Variants in FARP1 observed in about 807,000 individuals in gnomAD.
FARP1 encodes FERM, ARHGEF and pleckstrin domain-containing protein 1.
In FARP1, 52 loss-of-function variants were observed where a neutral mutation model predicts 128.8. The ratio of observed to expected loss-of-function variants is 0.40; its 90% CI spans 0.32 to 0.51. The LOEUF (loss-of-function observed/expected upper bound fraction) is 0.51, where lower values mean the gene tolerates loss of function less well. Ranked by LOEUF, FARP1 falls within the 20% of genes least tolerant of loss-of-function variation. The pLI, the probability that FARP1 is intolerant of heterozygous loss-of-function variation, is 0.45. For missense variants in FARP1, 1,333 were observed against 1,367.9 expected, an observed-to-expected ratio of 0.97 and a Z score of 0.40; for synonymous variants, 580 against 551.8, an observed-to-expected ratio of 1.05 and a Z score of -0.72.
chr13:98,186,152 G>A (rs995049179), intron 1 of FARP1, among the ~76,000 whole-genome samples: 12 of 151,968 alleles, frequency 7.9e-5, no homozygotes, highest in Non-Finnish European at 1.5e-5. Context: ...GCCCAGGCTG[G>A]CTGGAGTGCA....
intron 2 of FARP1, among the ~76,000 whole-genome samples, chr13:98,217,899 G>A (rs1056175645): frequency 2.0e-5 from 3 of 152,170 alleles, no homozygotes; most frequent in African/African-American, 7.2e-5. Flanking sequence ...ACGAGAGTTG[G>A]TGCTGTCCTA....
chr13:98,146,797 C>T (rs927283362), intron 1 of FARP1, among the ~76,000 whole-genome samples: 1 of 152,154 alleles, frequency 6.6e-6, no homozygotes, highest in African/African-American at 2.4e-5. Flanking sequence ...CAGTCTCTCT[C>T]CTGTTGTTTG....
chr13:98,191,380 G>A (rs1879218772), intron 1 of FARP1, among the ~76,000 whole-genome samples: 1 of 152,142 alleles, frequency 6.6e-6, no homozygotes, highest in Non-Finnish European at 1.5e-5. Context: ...TGTTCATAGT[G>A]TTGTTAAGCT....
intron 2 of FARP1, among the ~76,000 whole-genome samples, chr13:98,214,352 G>A (rs1408888988): frequency 1.3e-5 from 2 of 152,072 alleles, no homozygotes; most frequent in African/African-American, 2.4e-5. Flanking sequence ...CTCGGATCTA[G>A]TATTTTGGGT....
At chr13:98,446,576 C>T in intron 25 of FARP1, 90 bp from the exon 26 acceptor site, 1 of 1,413,992 alleles carries the variant, frequency 7.1e-7, no homozygotes, top group South Asian at 1.2e-5. Flanking sequence ...TGCCTGGGCT[C>T]CCAAGTCCCT....
chr13:98,409,909 C>T (rs1891124664), intron 14 of FARP1, among the ~76,000 whole-genome samples: 1 of 152,202 alleles, frequency 6.6e-6, no homozygotes, highest in Non-Finnish European at 1.5e-5. Flanking sequence ...CATGGATCAT[C>T]CATATGTAGC....
rs758854319 is a variant in FARP1 at position 98,448,321 on chromosome 13, C to G, written c.*4C>G. 1.4e-5 allele frequency: 23 copies of G among 1,607,840 alleles called. No homozygotes were observed. The highest frequency in any genetic ancestry group is 3.3e-5 in the Admixed American group (2 of 60,002). Reference sequence around the variant, plus strand: ...CAAAGAGTCTCTTGTGTATTGATGGCCGGACACACTCGTTTCCGCAGTGGC... The same window carrying G: ...CAAAGAGTCTCTTGTGTATTGATGGGCGGACACACTCGTTTCCGCAGTGGC... On this transcript the variant is annotated 3_prime_UTR_variant, in exon 27 of 27. Coordinates refer to ENST00000319562, the MANE Select transcript of FARP1 (RefSeq NM_005766.4).
At chr13:98,180,114 G>A (rs1352695063) in intron 1 of FARP1, among the ~76,000 whole-genome samples, 4 of 152,092 alleles carry the variant, frequency 2.6e-5, no homozygotes, top group South Asian at 4.2e-4. Context: ...CCTGAGGCTA[G>A]GTAATTTATA....
intron 1 of FARP1, among the ~76,000 whole-genome samples, chr13:98,194,417 C>T (rs971282663): frequency 3.3e-5 from 5 of 152,156 alleles, no homozygotes; most frequent in Non-Finnish European, 1.5e-5. Flanking sequence ...GTACCTGGCT[C>T]CTATTTTTTA....
At chr13:98,448,097 TC>T (rs1400784350) in intron 26 of FARP1, 138 bp from the exon 27 acceptor site, 1 of 709,490 alleles carries the variant, frequency 1.4e-6, no homozygotes, top group East Asian at 2.6e-5. Context: ...TGCTGGCTGT[TC>T]CCTTGCTCTT....
At position 98,378,164 on chromosome 13, in the gene FARP1, G is replaced by A. The variant is rs117673327; in HGVS notation, c.496+246G>A. Among the ~76,000 whole-genome samples, 75 of 152,318 alleles carry A rather than the reference G, an allele frequency of 4.9e-4. No homozygotes were observed. The East Asian group carries it at 9.4e-3, about 19-fold the overall frequency. ...TTTGTCTTTCTTCAAGGACTAGTAC[G>A]CAGTTGATACTTCAGTTGTCTTAAA... On this transcript the variant is annotated intron_variant, in intron 6 of 26. Coordinates refer to ENST00000319562, the MANE Select transcript of FARP1 (RefSeq NM_005766.4).
chr13:98,259,280 A>G (rs1162080338), intron 2 of FARP1, among the ~76,000 whole-genome samples: 1 of 152,164 alleles, frequency 6.6e-6, no homozygotes, highest in Non-Finnish European at 1.5e-5. Flanking sequence ...ATATGTATAT[A>G]GAGTATATAT....
chr13:98,283,475 G>T (rs1885027987), intron 2 of FARP1, among the ~76,000 whole-genome samples: 1 of 152,192 alleles, frequency 6.6e-6, no homozygotes, highest in African/African-American at 2.4e-5. Flanking sequence ...AGAGAGGCAG[G>T]ATAATAAACA....
chr13:98,220,388 G>A (rs149284539), intron 2 of FARP1, among the ~76,000 whole-genome samples: 84 of 152,294 alleles, frequency 5.5e-4, no homozygotes, highest in African/African-American at 1.5e-3. Context: ...TTTTGCCGCC[G>A]CTTAAGCAGC....
At chr13:98,378,969 TATATAATC>T (rs1889728413) in intron 6 of FARP1, among the ~76,000 whole-genome samples, 7 of 91,384 alleles carry the variant, frequency 7.7e-5, no homozygotes, top group Non-Finnish European at 2.1e-5. Flanking sequence ...ATATATACAA[TATATAATC>T]TATATATAAT....
chr13:98,418,772 A>C (rs917280171), intron 16 of FARP1, among the ~76,000 whole-genome samples: 2 of 152,226 alleles, frequency 1.3e-5, no homozygotes, highest in African/African-American at 4.8e-5. Flanking sequence ...TCACTAGACG[A>C]GTCTGACACA....
chr13:98,161,934 C>T (rs1230372445), intron 1 of FARP1, among the ~76,000 whole-genome samples: 1 of 152,050 alleles, frequency 6.6e-6, no homozygotes, highest in Non-Finnish European at 1.5e-5. Flanking sequence ...TGTGGTCTGC[C>T]ACTTCTGGCT....
rs1566318340 is a variant in FARP1, at chr13:98,435,706, G to GGTAA, written c.2274+2_2274+5dup. 3.1e-6 allele frequency: 5 copies of GGTAA among 1,614,118 alleles called. No individual in the cohort carries two copies. The highest frequency in any genetic ancestry group is 4.2e-6 in the Non-Finnish European group (5 of 1,179,990). ...TTGACAATCTTGTGGTTCCGGGAAG[G>GGTAA]GTAAGCAGCAGTGGCCTCACTATGC... On this transcript the variant is annotated frameshift_variant and splice_region_variant. Coordinates refer to ENST00000319562, the MANE Select transcript of FARP1 (RefSeq NM_005766.4). LOFTEE classifies it high-confidence loss of function.
At chr13:98,400,801 T>G (rs1890732030) in intron 13 of FARP1, 1 of 152,212 alleles carries the variant, frequency 6.6e-6, no homozygotes, top group Non-Finnish European at 1.5e-5. Flanking sequence ...AGTGTGATGG[T>G]ATGAGTCTAT....
Sources: gnomAD v4.1 joint callset for allele counts (sites outside exome capture counted in the v4.1 genomes callset) on GRCh38, gnomAD v4.1.1 for gene constraint, MANE v1.5 for transcripts, NCBI Gene and HGNC (gene_info 2026-07-23, HGNC 2026-07-21) for gene names.